MYCBP2: variants seen among roughly 807,000 people sequenced by gnomAD.
MYCBP2 encodes MYC binding protein 2.
A neutral mutation model predicts 525.3 loss-of-function variants in MYCBP2; 120 were observed. The observed-to-expected ratio is 0.23, with a 90% CI of 0.20 to 0.27. The LOEUF is 0.27. MYCBP2 is among the 10% of genes least tolerant of loss of function. The pLI, the probability that MYCBP2 is intolerant of heterozygous loss-of-function variation, is 1.00. For synonymous variants in MYCBP2, 1,894 were observed against 1,955.8 expected, an observed-to-expected ratio of 0.97 and a Z score of 0.83; for missense variants, 4,149 against 5,657.1, an observed-to-expected ratio of 0.73 and a Z score of 8.55.
In MYCBP2 at chr13:77,273,610, G is replaced by A; in HGVS notation, c.807C>T (p.Ser269=). The A allele has an allele frequency of 6.3e-7, 1 of 1,598,892 alleles. No homozygotes were observed. Among genetic ancestry groups the A allele is most frequent in the Non-Finnish European group, 8.5e-7 (1 of 1,175,970 alleles). Residue 269 remains serine, a synonymous_variant, in exon 5 of 83, where the codon AGC becomes AGT. Coordinates refer to ENST00000544440, the MANE Select transcript of MYCBP2 (RefSeq NM_015057.5). ...AAAGTGCTGTTAAGGACTGTCCTGT[G>A]CTGTCATTCATCCCAGTACTTCGAA... ...ITVRSTGMND[S]TGQSLTALSC...
chr13:77,213,731 G>A (rs1237707238), intron 21 of MYCBP2, among the ~76,000 whole-genome samples: 1 of 152,186 alleles, frequency 6.6e-6, no homozygotes, highest in Admixed American at 6.5e-5. Context: ...GGACTGCTGG[G>A]ACTGGAGGAC....
chr13:77,306,487 G>A (rs1037151380), intron 1 of MYCBP2, among the ~76,000 whole-genome samples: 1 of 152,090 alleles, frequency 6.6e-6, no homozygotes, highest in Non-Finnish European at 1.5e-5. Context: ...CTTCACATGG[G>A]GGGAGGACTA....
In MYCBP2 at chr13:77,191,758, A is replaced by T; in HGVS notation, c.3991T>A (p.Tyr1331Asn). 1 of 1,614,098 alleles carries T rather than the reference A, an allele frequency of 6.2e-7. No individual in the cohort carries two copies. Among genetic ancestry groups the T allele is most frequent in the Non-Finnish European group, 8.5e-7 (1 of 1,179,982 alleles). ...CCTGACACTCGGGCCCATGCCACAT[A>T]CCACCACCCAGCTTGCAGGAGAACA... ...EPVLLQAGWW[Y>N]VAWARVSGPS... The change falls in exon 28 of 83, where the codon TAT (tyrosine) becomes AAT (asparagine). Residue 1331 changes from tyrosine (Y) to asparagine (N), a missense_variant. Coordinates refer to ENST00000544440, the MANE Select transcript of MYCBP2 (RefSeq NM_015057.5).
chr13:77,141,035 T>A lies in MYCBP2; in HGVS notation c.7304-92A>T, dbSNP rs910345137. 1.7e-5 allele frequency: 15 copies of A among 871,668 alleles called. No individual in the cohort carries two copies. The African/African-American group carries it at 1.9e-4, about 11-fold the overall frequency. The allele number at this position is 871,668 out of a possible 1,614,324, so 54.0% of individuals were successfully genotyped here. A position where few individuals can be genotyped will look rare whatever the true frequency, so the allele number is the denominator to read the frequency against. On this transcript the variant is annotated intron_variant, in intron 49 of 82. Transcript: ENST00000544440. ...CTTATAAACATCCACAGGCTATTTT[T>A]AAAAATTAACACAAATATCTGATTT...
chr13:77,311,295 A>T (rs1392968972), intron 1 of MYCBP2, among the ~76,000 whole-genome samples: 1 of 152,242 alleles, frequency 6.6e-6, no homozygotes, highest in Non-Finnish European at 1.5e-5. Context: ...CCTCCAGAGA[A>T]TTATAATAAA....
At chr13:77,158,167 A>C in intron 44 of MYCBP2, 58 bp from the exon 45 acceptor site, 1 of 1,216,210 alleles carries the variant, frequency 8.2e-7, no homozygotes, top group Admixed American at 3.3e-5. Flanking sequence ...AATTACATAA[A>C]ATTTTTCAAC....
intron 69 of MYCBP2, among the ~76,000 whole-genome samples, chr13:77,069,691 CTA>C (rs1491309488): frequency 1.0e-5 from 1 of 99,714 alleles, no homozygotes; most frequent in Admixed American, 1.1e-4. Context: ...CCCGTCTGTA[CTA>C]AAAAAAAAAA....
At chr13:77,280,666 A>G (rs965264836) in intron 3 of MYCBP2, among the ~76,000 whole-genome samples, 2 of 152,202 alleles carry the variant, frequency 1.3e-5, no homozygotes, top group African/African-American at 2.4e-5. Context: ...AGACTGCCTA[A>G]TGAACAGGTT....
At chr13:77,049,370 T>C (rs2036251566) in intron 82 of MYCBP2, among the ~76,000 whole-genome samples, 1 of 152,208 alleles carries the variant, frequency 6.6e-6, no homozygotes, top group Non-Finnish European at 1.5e-5. Context: ...AAAGTAGTCA[T>C]ACTTGAAAAA....
chr13:77,102,555 C>CA (rs1430926119), intron 55 of MYCBP2, among the ~76,000 whole-genome samples: 1 of 151,110 alleles, frequency 6.6e-6, no homozygotes, highest in African/African-American at 2.4e-5. Context: ...TGTAGTGTTT[C>CA]AAAAAACCAA....
At chr13:77,292,676 C>T (rs533743133) in intron 2 of MYCBP2, among the ~76,000 whole-genome samples, 17 of 151,934 alleles carry the variant, frequency 1.1e-4, no homozygotes, top group Non-Finnish European at 2.2e-4. Context: ...GTAAGAAAAC[C>T]GGCCAGGCAC....
intron 59 of MYCBP2, among the ~76,000 whole-genome samples, chr13:77,090,821 T>C (rs1281018007): frequency 6.6e-6 from 1 of 152,120 alleles, no homozygotes; most frequent in East Asian, 1.9e-4. Flanking sequence ...TTACACTCTA[T>C]AAAAGAACTT....
At chr13:77,244,927 C>T (rs771771826) in intron 15 of MYCBP2, among the ~76,000 whole-genome samples, 8 of 152,112 alleles carry the variant, frequency 5.3e-5, no homozygotes, top group Non-Finnish European at 1.2e-4. Context: ...AAACAAACCA[C>T]CCCATCAAAA....
At chr13:77,261,001 T>C (rs1349202062) in intron 12 of MYCBP2, among the ~76,000 whole-genome samples, 170 bp downstream of exon 12, 1 of 152,156 alleles carries the variant, frequency 6.6e-6, no homozygotes, top group African/African-American at 2.4e-5. Context: ...TAAAATAAGT[T>C]CCTCATTCAT....
intron 31 of MYCBP2, 46 bp downstream of exon 31, chr13:77,185,825 C>T (rs754722691): frequency 6.3e-5 from 84 of 1,338,018 alleles, no homozygotes; most frequent in Non-Finnish European, 7.3e-5. Context: ...TTCTCAATGT[C>T]TCTAATATTT....
intron 1 of MYCBP2, among the ~76,000 whole-genome samples, chr13:77,303,279 G>A (rs2079010983): frequency 6.6e-6 from 1 of 152,240 alleles, no homozygotes; most frequent in Admixed American, 6.5e-5. Flanking sequence ...GTTGCAGTGT[G>A]CGTAGATCAC....
chr13:77,086,661 T>C, intron 62 of MYCBP2, among the ~76,000 whole-genome samples: 1 of 152,162 alleles, frequency 6.6e-6, no homozygotes, highest in East Asian at 1.9e-4. Context: ...AGATAATTTC[T>C]ACAGGTCTCT....
intron 16 of MYCBP2, 125 bp downstream of exon 16, chr13:77,243,681 C>T (rs1396065548): frequency 1.4e-6 from 1 of 740,434 alleles, no homozygotes. Flanking sequence ...ACCGTAAAAG[C>T]AGTATTGCAT....
rs189006190 is a variant in MYCBP2 at position 77,136,390 on chromosome 13, G to A, written c.7659+2806C>T. On this transcript the variant is annotated intron_variant, in intron 52 of 82. Coordinates refer to ENST00000544440, the MANE Select transcript of MYCBP2 (RefSeq NM_015057.5). ...TAGTGCATTCACTATATTGTTCTAG[G>A]ATTTTATTAAATCTTCTAAATCCCT... 1.2e-4 allele frequency among the ~76,000 whole-genome samples: 19 copies of A among 152,206 alleles called. No homozygotes were observed. The East Asian group carries it at 3.5e-3, about 28-fold the overall frequency.
Sources: allele counts gnomAD v4.1 joint callset (sites outside exome capture counted in the v4.1 genomes callset), GRCh38; gene constraint gnomAD v4.1.1; transcripts MANE v1.5; gene names NCBI Gene and HGNC (gene_info 2026-07-23, HGNC 2026-07-21).